The following LRRC1 variants were observed in gnomAD, a reference collection of about 807,000 sequenced individuals.
LRRC1 encodes the protein leucine-rich repeat-containing protein 1.
In LRRC1, 28 loss-of-function variants were observed where a neutral mutation model predicts 69.9. The observed-to-expected ratio is 0.40, with a 90% CI of 0.30 to 0.55. The LOEUF (loss-of-function observed/expected upper bound fraction) is 0.55, where lower values mean the gene tolerates loss of function less well. LRRC1 is among the 20% of genes least tolerant of loss of function. The probability of loss-of-function intolerance (pLI) is 0.47; values close to 1 mark genes in which losing one functional copy is unlikely to be tolerated. For missense variants in LRRC1, 498 were observed against 609.0 expected, an observed-to-expected ratio of 0.82 and a Z score of 1.92; for synonymous variants, 236 against 240.2, an observed-to-expected ratio of 0.98 and a Z score of 0.16.
intron 1 of LRRC1, among the ~76,000 whole-genome samples, chr6:53,806,502 C>T (rs1764639959): frequency 6.6e-6 from 1 of 152,106 alleles, no homozygotes; most frequent in South Asian, 2.1e-4. Context: ...CTGGTCCTGT[C>T]CAACACTAGC....
At chr6:53,892,035 CACACACACACACAT>C (rs1156832490) in intron 4 of LRRC1, among the ~76,000 whole-genome samples, 2 of 151,172 alleles carry the variant, frequency 1.3e-5, no homozygotes, top group African/African-American at 2.4e-5. Flanking sequence ...CACACACACA[CACACACACACACAT>C]ACACATAAAA....
rs1318087836 is a variant in LRRC1, at chr6:53,904,673, T to C, written c.990+211T>C. 3.5e-5 allele frequency: 11 copies of C among 310,066 alleles called. No individual in the cohort carries two copies. In the East Asian group the frequency reaches 6.1e-4, roughly 17 times the overall value. The allele number at this position is 310,066 out of a possible 1,614,324, so 19.2% of individuals were successfully genotyped here. On this transcript the variant is annotated intron_variant, in intron 10 of 13. Transcript: ENST00000370888. ...AGGAGAGTTGGAAAAGGTGAATTTA[T>C]AGGATTTTAAATGGGAGAAAGAAAG...
rs148411176 is a variant in LRRC1, at chr6:53,798,041, G to T, written c.159+2626G>T. The stretch of plus-strand genomic sequence containing the variant: ...AGACTCCATTATTTACAAGTTATTG[G>T]GAATATAGAGATTAAAGGAGGCATG... On this transcript the variant is annotated intron_variant, in intron 1 of 13. Coordinates refer to ENST00000370888, the MANE Select transcript of LRRC1 (RefSeq NM_018214.5). Among the ~76,000 whole-genome samples the T allele has an allele frequency of 4.0e-3, 609 of 152,248 alleles. 12 individuals are homozygous for T. The highest frequency in any genetic ancestry group is 5.1e-3 in the Non-Finnish European group (344 of 68,028).
At chr6:53,872,071 A>G (rs918408083) in intron 2 of LRRC1, among the ~76,000 whole-genome samples, 2 of 152,018 alleles carry the variant, frequency 1.3e-5, no homozygotes, top group African/African-American at 4.8e-5. Context: ...TGGTAGTTGT[A>G]TAGTTTCAGG....
At chr6:53,848,992 GGT>G (rs1208118087) in intron 2 of LRRC1, among the ~76,000 whole-genome samples, 1 of 151,052 alleles carries the variant, frequency 6.6e-6, no homozygotes, top group Non-Finnish European at 1.5e-5. Context: ...CCCCACCTTA[GGT>G]GATCCACCCA....
At chr6:53,815,584 G>A (rs1444228376) in intron 1 of LRRC1, among the ~76,000 whole-genome samples, 2 of 152,122 alleles carry the variant, frequency 1.3e-5, no homozygotes, top group Non-Finnish European at 2.9e-5. Flanking sequence ...TTATTGAAAC[G>A]TGGTGACAGT....
At chr6:53,872,692 T>C (rs1430353844) in intron 2 of LRRC1, among the ~76,000 whole-genome samples, 1 of 151,942 alleles carries the variant, frequency 6.6e-6, no homozygotes, top group Non-Finnish European at 1.5e-5. Context: ...TTGACAGCAA[T>C]TGCATTGAAT....
intron 12 of LRRC1, 47 bp downstream of exon 12, chr6:53,919,717 AG>A (rs1768681268): frequency 6.5e-7 from 1 of 1,548,476 alleles, no homozygotes. Context: ...GAGATTGAGT[AG>A]GACCTAATGT....
chr6:53,796,346 G>GT (rs1482988755), intron 1 of LRRC1, among the ~76,000 whole-genome samples: 1 of 152,212 alleles, frequency 6.6e-6, no homozygotes, highest in Non-Finnish European at 1.5e-5. Flanking sequence ...CTTAGCTAGA[G>GT]TAACCCCTCG....
chr6:53,898,850 A>T (rs964029562), intron 7 of LRRC1, among the ~76,000 whole-genome samples: 2 of 152,198 alleles, frequency 1.3e-5, no homozygotes, highest in South Asian at 4.1e-4. Context: ...TTAAATATAG[A>T]TGGAGGAATT....
chr6:53,818,311 G>A (rs902276695), intron 1 of LRRC1, among the ~76,000 whole-genome samples: 1 of 151,988 alleles, frequency 6.6e-6, no homozygotes, highest in African/African-American at 2.4e-5. Flanking sequence ...TCCAGTTCTG[G>A]CATTCTGTTT....
chr6:53,907,435 T>C lies in LRRC1; in HGVS notation c.990+2973T>C, dbSNP rs185928885. On this transcript the variant is annotated intron_variant, in intron 10 of 13. Transcript: ENST00000370888. ...TGTAGCAGCATTTATTTGCATTTTT[T>C]CCCCAAATGGTTGAGGGGAAGATGT... Among the ~76,000 whole-genome samples, 756 of 152,320 alleles carry C rather than the reference T, an allele frequency of 5.0e-3. 2 individuals are homozygous for C. Among genetic ancestry groups the C allele is most frequent in the Non-Finnish European group, 8.5e-3 (580 of 68,026 alleles).
chr6:53,909,852 A>G (rs764066333), intron 10 of LRRC1, among the ~76,000 whole-genome samples: 1 of 152,196 alleles, frequency 6.6e-6, no homozygotes, highest in Non-Finnish European at 1.5e-5. Context: ...TGTGTGTTCA[A>G]TTATGTTACA....
intron 1 of LRRC1, among the ~76,000 whole-genome samples, chr6:53,807,215 C>A (rs1764657290): frequency 1.3e-5 from 2 of 152,112 alleles, no homozygotes; most frequent in Admixed American, 1.3e-4. Context: ...GCTTCAGAGA[C>A]ATCTTGGTTC....
At position 53,795,186 on chromosome 6, in the gene LRRC1, G is replaced by A. The variant is rs577680428; in HGVS notation, c.-71G>A. ...AGAGGGCAGCGGACTGAGCGGAGCC[G>A]CCGGCCAGAGCGGGCTCGGAGCCCG... On this transcript the variant is annotated 5_prime_UTR_variant, in exon 1 of 14. Coordinates refer to ENST00000370888, the MANE Select transcript of LRRC1 (RefSeq NM_018214.5). The A allele has an allele frequency of 2.6e-5, 37 of 1,402,028 alleles. No homozygotes were observed. In the African/African-American group the frequency reaches 4.6e-4, roughly 17 times the overall value. 86.8% of individuals were successfully genotyped at this position (1,402,028 alleles called of 1,614,324 possible).
intron 1 of LRRC1, among the ~76,000 whole-genome samples, chr6:53,805,909 A>G (rs1764624477): frequency 6.6e-6 from 1 of 152,204 alleles, no homozygotes; most frequent in Admixed American, 6.5e-5. Flanking sequence ...GTCTGGCGGC[A>G]TGCCATGCTC....
intron 2 of LRRC1, among the ~76,000 whole-genome samples, chr6:53,846,687 T>G (rs1765957514): frequency 6.6e-6 from 1 of 152,246 alleles, no homozygotes; most frequent in Non-Finnish European, 1.5e-5. Context: ...GTATATGAAC[T>G]AGATATCTGA....
In LRRC1 at chr6:53,924,003, T is replaced by G. The variant is rs934773607; in HGVS notation, c.*1210T>G. 1 of 152,676 alleles carries G rather than the reference T, an allele frequency of 6.5e-6. No individual in the cohort carries two copies. Among genetic ancestry groups the G allele is most frequent in the African/African-American group, 2.4e-5 (1 of 41,474 alleles). 9.5% of individuals were successfully genotyped at this position (152,676 alleles called of 1,614,324 possible). On this transcript the variant is annotated 3_prime_UTR_variant, in exon 14 of 14. Coordinates refer to ENST00000370888, the MANE Select transcript of LRRC1 (RefSeq NM_018214.5). Reference sequence around the variant, plus strand: ...GGGAAAAGTTTTGGTGTGTTTCTGTTGATTTCTTTTTTGTATGCTGTGATA... The same window carrying G: ...GGGAAAAGTTTTGGTGTGTTTCTGTGGATTTCTTTTTTGTATGCTGTGATA...
chr6:53,850,233 AGT>A (rs1378743915), intron 2 of LRRC1, among the ~76,000 whole-genome samples: 1 of 152,180 alleles, frequency 6.6e-6, no homozygotes, highest in African/African-American at 2.4e-5. Flanking sequence ...TGTTCAGAAA[AGT>A]GTCAGTAACT....
Sources: gnomAD v4.1 joint callset for allele counts (sites outside exome capture counted in the v4.1 genomes callset) on GRCh38, gnomAD v4.1.1 for gene constraint, MANE v1.5 for transcripts, NCBI Gene and HGNC (gene_info 2026-07-23, HGNC 2026-07-21) for gene names.